ATP8A2: variants seen among roughly 807,000 people sequenced by gnomAD.
The protein encoded by ATP8A2 is ATPase phospholipid transporting 8A2.
ATP8A2 carries 100 observed loss-of-function variants against 165.6 expected under a neutral mutation model. That is an observed-to-expected ratio of 0.60 (90% CI 0.51 to 0.71). The LOEUF is 0.71. Ranked by LOEUF, ATP8A2 falls within the 30% of genes least tolerant of loss-of-function variation. The pLI is 0.00. For missense variants in ATP8A2, 1,227 were observed against 1,479.5 expected (o/e 0.83, Z 2.80); for synonymous variants, 543 against 548.8 (o/e 0.99, Z 0.15).
intron 23 of ATP8A2, among the ~76,000 whole-genome samples, chr13:25,585,563 C>T (rs1371336728): frequency 1.3e-5 from 2 of 152,210 alleles, no homozygotes; most frequent in East Asian, 3.9e-4. Context: ...CTTTTAAAAC[C>T]ATTTCTTATG....
At chr13:25,910,573 G>T (rs1375504981) in intron 33 of ATP8A2, among the ~76,000 whole-genome samples, 1 of 148,526 alleles carries the variant, frequency 6.7e-6, no homozygotes, top group Admixed American at 7.1e-5. Flanking sequence ...CAACAGATTG[G>T]ATTTTTTTTC....
chr13:25,928,638 G>C (rs114544444), intron 33 of ATP8A2, among the ~76,000 whole-genome samples: 1 of 152,192 alleles, frequency 6.6e-6, no homozygotes, highest in Non-Finnish European at 1.5e-5. Flanking sequence ...TTCCTGTGCC[G>C]TGGTAACTCC....
At chr13:25,807,299 G>GAATC (rs1317549736) in intron 27 of ATP8A2, among the ~76,000 whole-genome samples, 4 of 151,868 alleles carry the variant, frequency 2.6e-5, no homozygotes. Context: ...TTTTCTTGTA[G>GAATC]GAATTCTATA....
At chr13:25,427,661 C>T (rs568176647) in intron 1 of ATP8A2, among the ~76,000 whole-genome samples, 80 of 150,082 alleles carry the variant, frequency 5.3e-4, no homozygotes, top group African/African-American at 1.8e-3. Context: ...TTTGGGAGGC[C>T]GAGGCAGGTG....
Position 25,866,557 on chromosome 13 carries a change from C to A in ATP8A2, c.3183+4149C>A, listed in dbSNP as rs1024167258. ...ACCTGCATCCAAATCATCTGGGTTG[C>A]TTGTCAAAATGACAACCCCCACCCC... On this transcript the variant is annotated intron_variant, in intron 33 of 36. Coordinates refer to ENST00000381655, the MANE Select transcript of ATP8A2 (RefSeq NM_016529.6). 9.9e-5 allele frequency among the ~76,000 whole-genome samples: 15 copies of A among 152,128 alleles called. No individual in the cohort carries two copies. The South Asian group carries it at 1.7e-3, about 17-fold the overall frequency.
rs2039471457 is a variant in ATP8A2, at chr13:25,571,681, A to G, written c.1651A>G (p.Ile551Val). The G allele has an allele frequency of 3.7e-6, 6 of 1,613,956 alleles. No homozygotes were observed. Among genetic ancestry groups the G allele is most frequent in the Admixed American group, 1.7e-5 (1 of 60,010 alleles). The change falls in exon 18 of 37, where the codon ATC (isoleucine) becomes GTC (valine). Residue 551 changes from isoleucine (I) to valine (V), a missense_variant. This residue lies in a region of ATP8A2 where 592 missense variants were observed against 785.6 expected (regional missense o/e 0.75). Transcript: ENST00000381655. The part of the protein sequence containing the change: ...VFTARTPFSV[I>V]IEAMGQEQTF... ...CACAGCCAGAACACCATTCTCAGTC[A>G]TCATAGAAGCGGTGAGTAACATGCG...
At chr13:25,898,799 G>A (rs576557679) in intron 33 of ATP8A2, among the ~76,000 whole-genome samples, 46 of 152,320 alleles carry the variant, frequency 3.0e-4, no homozygotes, top group South Asian at 6.2e-4. Flanking sequence ...AGCAATGAAC[G>A]AGGCTCCGTG....
chr13:25,953,633 G>A lies in ATP8A2; in HGVS notation c.3184-7942G>A, dbSNP rs1340549759. Among the ~76,000 whole-genome samples, 1 of 151,716 alleles carries A rather than the reference G, an allele frequency of 6.6e-6. No individual in the cohort carries two copies. The highest frequency in any genetic ancestry group is 2.1e-4 in the South Asian group (1 of 4,814). ...TCAAGGCAGACAGCGAGTGATTTCT[G>A]CATTTCCAGCTGAGGAACCTGGTTC... On this transcript the variant is annotated intron_variant, in intron 33 of 36. Coordinates refer to ENST00000381655, the MANE Select transcript of ATP8A2 (RefSeq NM_016529.6). The surrounding 1 kb of genome is among the most constrained non-coding windows in gnomAD (Gnocchi z 6.7).
At chr13:25,591,468 C>T (rs2040076221) in intron 24 of ATP8A2, 26 of 416,304 alleles carry the variant, frequency 6.2e-5, no homozygotes, top group South Asian at 3.9e-4. Context: ...TCATCCATAT[C>T]GGACCATGTG....
At chr13:25,797,204 G>A (rs566235427) in intron 27 of ATP8A2, among the ~76,000 whole-genome samples, 9 of 152,250 alleles carry the variant, frequency 5.9e-5, no homozygotes, top group African/African-American at 9.6e-5. Flanking sequence ...GGAGACAGAG[G>A]TTGCAGTGAG....
intron 25 of ATP8A2, among the ~76,000 whole-genome samples, chr13:25,704,471 T>C (rs557051137): frequency 6.6e-6 from 1 of 152,068 alleles, no homozygotes; most frequent in South Asian, 2.1e-4. Context: ...CCCAAATAGC[T>C]GGGACTAGCA....
intron 2 of ATP8A2, among the ~76,000 whole-genome samples, chr13:25,470,104 A>C (rs902653927): frequency 2.2e-4 from 34 of 152,334 alleles, no homozygotes; most frequent in African/African-American, 8.2e-4. Flanking sequence ...TAAGTATTCC[A>C]CTACTGCACT....
At chr13:25,668,198 C>A (rs942606115) in intron 24 of ATP8A2, among the ~76,000 whole-genome samples, 1 of 152,144 alleles carries the variant, frequency 6.6e-6, no homozygotes, top group African/African-American at 2.4e-5. Flanking sequence ...TGAAGTATTT[C>A]TCTTTAGCAT....
chr13:25,417,417 G>T (rs979850814), intron 1 of ATP8A2, among the ~76,000 whole-genome samples: 5 of 88,988 alleles, frequency 5.6e-5, no homozygotes, highest in Non-Finnish European at 1.2e-4. Context: ...TTACCATTTT[G>T]GCTTCCATCT....
chr13:25,904,869 T>C (rs1489905702), intron 33 of ATP8A2, among the ~76,000 whole-genome samples: 4 of 152,266 alleles, frequency 2.6e-5, no homozygotes, highest in African/African-American at 4.8e-5. Flanking sequence ...ATAGTTCTTT[T>C]ACCCTCAGTG....
At chr13:26,009,845 C>T (rs1956807415) in intron 35 of ATP8A2, among the ~76,000 whole-genome samples, 1 of 152,164 alleles carries the variant, frequency 6.6e-6, no homozygotes, top group African/African-American at 2.4e-5. Context: ...GTGGGCGGAT[C>T]ACCTGAGGTC....
chr13:25,985,128 A>G (rs1956251940), intron 35 of ATP8A2, among the ~76,000 whole-genome samples: 1 of 152,232 alleles, frequency 6.6e-6, no homozygotes, highest in Admixed American at 6.5e-5. Flanking sequence ...GGGCACTGCT[A>G]ATGCGGAGAA....
chr13:25,970,389 G>A (rs1955886042), intron 35 of ATP8A2, among the ~76,000 whole-genome samples: 1 of 152,238 alleles, frequency 6.6e-6, no homozygotes, highest in Non-Finnish European at 1.5e-5. Flanking sequence ...AGGCTTTTGA[G>A]GATGGGAGGG....
At chr13:25,740,825 A>G (rs184803545) in intron 25 of ATP8A2, among the ~76,000 whole-genome samples, 7 of 152,326 alleles carry the variant, frequency 4.6e-5, no homozygotes, top group Admixed American at 2.0e-4. Flanking sequence ...AGCTAATTTG[A>G]AGTGTTGATG....
Sources: gnomAD v4.1 joint callset for allele counts (sites outside exome capture counted in the v4.1 genomes callset) on GRCh38, gnomAD v4.1.1 for gene constraint, gnomAD v4.1.1 regional missense constraint, Gnocchi (gnomAD v3.1) non-coding constraint, MANE v1.5 for transcripts, NCBI Gene and HGNC (gene_info 2026-07-23, HGNC 2026-07-21) for gene names.